EPB41L4A: variants seen among roughly 807,000 people sequenced by gnomAD.
The protein encoded by EPB41L4A is erythrocyte membrane protein band 4.1 like 4A.
EPB41L4A carries 100 observed loss-of-function variants against 108.6 expected under a neutral mutation model. The observed-to-expected ratio is 0.92, with a 90% CI of 0.78 to 1.09. The LOEUF (loss-of-function observed/expected upper bound fraction) is 1.09. Ranked by LOEUF, EPB41L4A falls within the 50% of genes least tolerant of loss-of-function variation. The pLI, the probability that EPB41L4A is intolerant of heterozygous loss-of-function variation, is 0.00. For missense variants in EPB41L4A, 1,030 were observed against 842.7 expected (o/e 1.22, Z -2.75); for synonymous variants, 319 against 289.0 (o/e 1.10, Z -1.05).
chr5:112,387,213 A>T (rs1311864963), intron 1 of EPB41L4A, among the ~76,000 whole-genome samples: 1 of 152,216 alleles, frequency 6.6e-6, no homozygotes, highest in Non-Finnish European at 1.5e-5. Flanking sequence ...CAGATGCACG[A>T]ACTCCTCATG....
chr5:112,177,735 A>G (rs993058434), intron 18 of EPB41L4A, among the ~76,000 whole-genome samples: 2 of 152,224 alleles, frequency 1.3e-5, no homozygotes, highest in African/African-American at 4.8e-5. Flanking sequence ...AAATGTTACA[A>G]TATTCATCTT....
intron 1 of EPB41L4A, among the ~76,000 whole-genome samples, chr5:112,329,519 A>G (rs1198963240): frequency 6.6e-6 from 1 of 152,130 alleles, no homozygotes; most frequent in Non-Finnish European, 1.5e-5. Flanking sequence ...CTGGCCCTAA[A>G]TCCTCATCTA....
intron 12 of EPB41L4A, among the ~76,000 whole-genome samples, chr5:112,231,280 CA>C (rs1213279046): frequency 6.6e-6 from 1 of 152,024 alleles, no homozygotes; most frequent in Admixed American, 6.5e-5. Context: ...GTAAGAAAAG[CA>C]AGTTGAAAAC....
intron 7 of EPB41L4A, among the ~76,000 whole-genome samples, chr5:112,260,184 G>A (rs1751398018): frequency 6.6e-6 from 1 of 152,118 alleles, no homozygotes; most frequent in Non-Finnish European, 1.5e-5. Context: ...TTCTGTTGGC[G>A]TTCTTCATAC....
At chr5:112,232,353 T>C (rs1370740079) in intron 12 of EPB41L4A, among the ~76,000 whole-genome samples, 2 of 152,202 alleles carry the variant, frequency 1.3e-5, no homozygotes, top group Non-Finnish European at 2.9e-5. Context: ...GTAAACCTAC[T>C]CCACAGTAGT....
intron 1 of EPB41L4A, among the ~76,000 whole-genome samples, chr5:112,358,164 T>C (rs1258923566): frequency 6.6e-6 from 1 of 152,274 alleles, no homozygotes; most frequent in African/African-American, 2.4e-5. Flanking sequence ...GACAGCCACT[T>C]GGCAGCAGAT....
chr5:112,264,307 A>C (rs748290793), intron 6 of EPB41L4A: 1 of 152,256 alleles, frequency 6.6e-6, no homozygotes, highest in Non-Finnish European at 1.5e-5. Flanking sequence ...TCAGAAATGC[A>C]TGCAGTGTTA....
chr5:112,385,956 T>C (rs1760495373), intron 1 of EPB41L4A, among the ~76,000 whole-genome samples: 1 of 152,226 alleles, frequency 6.6e-6, no homozygotes, highest in Admixed American at 6.5e-5. Flanking sequence ...TCAGAAATAG[T>C]TGTGAGCTCA....
intron 12 of EPB41L4A, among the ~76,000 whole-genome samples, chr5:112,146,164 C>A (rs1185622935): frequency 5.3e-5 from 8 of 152,174 alleles, no homozygotes; most frequent in South Asian, 2.1e-4. Flanking sequence ...AATTACTACT[C>A]CCCCTTTTTA....
intron 1 of EPB41L4A, among the ~76,000 whole-genome samples, chr5:112,393,329 T>C (rs754694133): frequency 6.6e-6 from 1 of 151,714 alleles, no homozygotes; most frequent in Non-Finnish European, 1.5e-5. Context: ...ATCAACAAAA[T>C]TGATAGACCG....
intron 1 of EPB41L4A, among the ~76,000 whole-genome samples, chr5:112,329,619 G>A (rs981951605): frequency 2.0e-5 from 3 of 152,074 alleles, no homozygotes; most frequent in Non-Finnish European, 4.4e-5. Context: ...TTCATGGCTC[G>A]TTTCACTGCA....
At chr5:112,271,504 C>T (rs868650017) in intron 4 of EPB41L4A, among the ~76,000 whole-genome samples, 1 of 152,154 alleles carries the variant, frequency 6.6e-6, no homozygotes, top group African/African-American at 2.4e-5. Context: ...TTACAAAAGG[C>T]TATGCAATCT....
chr5:112,292,796 A>G (rs1421717072), intron 2 of EPB41L4A, among the ~76,000 whole-genome samples: 1 of 152,096 alleles, frequency 6.6e-6, no homozygotes, highest in Non-Finnish European at 1.5e-5. Flanking sequence ...TCGAAACCCT[A>G]AATTTAAAAA....
At chr5:112,401,156 A>C (rs1561645526) in intron 1 of EPB41L4A, among the ~76,000 whole-genome samples, 1 of 152,208 alleles carries the variant, frequency 6.6e-6, no homozygotes, top group Non-Finnish European at 1.5e-5. Context: ...CTATGAGAGG[A>C]AATGAAAAAG....
intron 2 of EPB41L4A, among the ~76,000 whole-genome samples, chr5:112,301,710 C>A (rs1754373434): frequency 1.3e-5 from 2 of 152,052 alleles, no homozygotes; most frequent in African/African-American, 4.8e-5. Context: ...TAGTCCTGCC[C>A]CCTGTCTGTC....
At chr5:112,255,111 T>C (rs879372952) in intron 9 of EPB41L4A, among the ~76,000 whole-genome samples, 3 of 152,100 alleles carry the variant, frequency 2.0e-5, no homozygotes, top group African/African-American at 4.8e-5. Flanking sequence ...ATCTCATCAG[T>C]TGATGAAATT....
chr5:112,246,239 T>C (rs1164737443), intron 9 of EPB41L4A, among the ~76,000 whole-genome samples: 1 of 152,156 alleles, frequency 6.6e-6, no homozygotes, highest in South Asian at 2.1e-4. Context: ...GATGTCTTGG[T>C]CAATGATGGA....
At chr5:112,419,641 G>T (rs937081333), upstream of EPB41L4A, 4 of 456,214 alleles carry the variant, frequency 8.8e-6, no homozygotes, top group Non-Finnish European at 1.3e-5. Context: ...CACCCACGAC[G>T]CCCCGACCAT....
At chr5:112,230,592 T>G (rs1405987328) in intron 12 of EPB41L4A, among the ~76,000 whole-genome samples, 2 of 152,162 alleles carry the variant, frequency 1.3e-5, no homozygotes, top group Non-Finnish European at 2.9e-5. Flanking sequence ...TTTTTTTTCC[T>G]GCTGATTTCA....
Sources: gnomAD v4.1 joint callset for allele counts (sites outside exome capture counted in the v4.1 genomes callset) on GRCh38, gnomAD v4.1.1 for gene constraint, MANE v1.5 for transcripts, NCBI Gene and HGNC (gene_info 2026-07-23, HGNC 2026-07-21) for gene names.